TP63: variants seen among roughly 807,000 people sequenced by gnomAD.
TP63 encodes the protein tumor protein 63.
TP63 carries 17 observed loss-of-function variants against 82.8 expected under a neutral mutation model. The observed-to-expected ratio is 0.21, with a 90% CI of 0.14 to 0.31. The LOEUF (loss-of-function observed/expected upper bound fraction) is 0.31, where lower values mean the gene tolerates loss of function less well. Ranked by LOEUF, TP63 falls within the 10% of genes least tolerant of loss-of-function variation. The probability of loss-of-function intolerance (pLI) is 1.00; values close to 1 mark genes in which losing one functional copy is unlikely to be tolerated. For synonymous variants in TP63, 330 were observed against 321.7 expected (o/e 1.03, Z -0.28); for missense variants, 648 against 895.3 (o/e 0.72, Z 3.52).
At chr3:189,617,616 C>T in the TP63 span, among the ~76,000 whole-genome samples, 1 of 152,130 alleles carries the variant, frequency 6.6e-6, no homozygotes, top group Non-Finnish European at 1.5e-5. Context: ...TCTACTTACC[C>T]CGTTCAACAT....
intron 10 of TP63, among the ~76,000 whole-genome samples, chr3:189,885,130 C>T (rs1309746795): frequency 6.6e-6 from 1 of 152,186 alleles, no homozygotes; most frequent in African/African-American, 2.4e-5. Flanking sequence ...TAAACAGGAA[C>T]AACATAATTC....
At chr3:189,682,556 ATATATATAT>A (rs1560107460) in intron 1 of TP63, among the ~76,000 whole-genome samples, 116 of 3,586 alleles carry the variant, frequency 0.032, 1 homozygote, top group African/African-American at 0.053. Flanking sequence ...AAAAAAAAAT[ATATATATAT>A]ATATATATAT....
intron 3 of TP63, among the ~76,000 whole-genome samples, chr3:189,746,555 A>G (rs551481331): frequency 3.4e-4 from 51 of 152,032 alleles, no homozygotes; most frequent in Non-Finnish European, 5.1e-4. Context: ...AATCACAATT[A>G]TGAAAAAAAT....
rs558992171 is a variant in TP63 at position 189,858,360 on chromosome 3, T to C, written c.580-5872T>C. Among the ~76,000 whole-genome samples the C allele has an allele frequency of 1.2e-3, 15 of 12,364 alleles. 4 individuals carry two copies. Among genetic ancestry groups the C allele is most frequent in the South Asian group, 0.011 (6 of 530 alleles). 8.1% of individuals were successfully genotyped at this position (12,364 alleles called of 152,430 possible). On this transcript the variant is annotated intron_variant, in intron 4 of 13. Coordinates refer to ENST00000264731, the MANE Select transcript of TP63 (RefSeq NM_003722.5). ...GGCGGAGCCTGCAGTGAGCCGAGAT[T>C]GCGCCACTGCACTCCAGCCTGGGCG... is the stretch of plus-strand genomic sequence containing the variant.
chr3:189,859,281 G>T lies in TP63; in HGVS notation c.580-4951G>T, dbSNP rs147326393. 2.0e-4 allele frequency among the ~76,000 whole-genome samples: 31 copies of T among 152,128 alleles called. No individual in the cohort carries two copies. In the East Asian group the frequency reaches 6.0e-3, roughly 29 times the overall value. On this transcript the variant is annotated intron_variant, in intron 4 of 13. Transcript: ENST00000264731. The stretch of plus-strand genomic sequence containing the variant: ...TCAATCATAAAATAAAACCTAAAAA[G>T]TGAAATTTCTGTGTTACAAAGGGGG...
At chr3:189,730,420 T>C (rs1246054761) in intron 1 of TP63, among the ~76,000 whole-genome samples, 2 of 152,216 alleles carry the variant, frequency 1.3e-5, no homozygotes, top group African/African-American at 4.8e-5. Flanking sequence ...TATTTAGTTA[T>C]TTCATAGAAA....
At chr3:189,686,742 T>G (rs1716478374) in intron 1 of TP63, among the ~76,000 whole-genome samples, 1 of 149,492 alleles carries the variant, frequency 6.7e-6, no homozygotes, top group South Asian at 2.1e-4. Flanking sequence ...TTTTTTTTTT[T>G]TTTTTTGAGA....
intron 4 of TP63, among the ~76,000 whole-genome samples, chr3:189,819,728 G>A: frequency 6.8e-6 from 1 of 147,672 alleles, no homozygotes; most frequent in Admixed American, 6.8e-5. Flanking sequence ...GTACTCACTG[G>A]TAATGGATTA....
Position 189,631,545 on chromosome 3 carries a change from C to A in TP63, c.30C>A (p.Thr10=), listed in dbSNP as rs764188703. 1.2e-6 allele frequency: 2 copies of A among 1,612,720 alleles called. No homozygotes were observed. Among genetic ancestry groups the A allele is most frequent in the African/African-American group, 2.7e-5 (2 of 74,794 alleles). Residue 10 remains threonine, a synonymous_variant, in exon 1 of 14, where the codon ACC becomes ACA. Coordinates refer to ENST00000264731, the MANE Select transcript of TP63 (RefSeq NM_003722.5). Reference sequence around the variant, plus strand: ...ATTTTGAAACTTCACGGTGTGCCACCCTACAGTACTGCCCTGACCCTTACA... The same window carrying A: ...ATTTTGAAACTTCACGGTGTGCCACACTACAGTACTGCCCTGACCCTTACA... MNFETSRCA[T]LQYCPDPYIQ...
chr3:189,848,503 G>A (rs1715225702), intron 4 of TP63, among the ~76,000 whole-genome samples: 1 of 151,994 alleles, frequency 6.6e-6, no homozygotes, highest in Non-Finnish European at 1.5e-5. Flanking sequence ...ACAGGCATGA[G>A]CCACTGAACT....
chr3:189,820,485 CT>C (rs1577032496), intron 4 of TP63, among the ~76,000 whole-genome samples: 1 of 152,174 alleles, frequency 6.6e-6, no homozygotes, highest in African/African-American at 2.4e-5. Context: ...TTTATAGACT[CT>C]TTTCTCTCAC....
At chr3:189,766,719 T>C (rs11708278) in intron 3 of TP63, among the ~76,000 whole-genome samples, 27,034 of 152,142 alleles carry the variant, frequency 0.18, 3,097 homozygotes, top group South Asian at 0.26. Flanking sequence ...TTAAAAAAAA[T>C]ACAGTGGTAA....
chr3:189,721,609 G>A (rs1719398271), intron 1 of TP63, among the ~76,000 whole-genome samples: 1 of 152,138 alleles, frequency 6.6e-6, no homozygotes, highest in Non-Finnish European at 1.5e-5. Flanking sequence ...TGGAGGTTCA[G>A]CTAGAACTTT....
At chr3:189,755,023 A>G (rs1158720243) in intron 3 of TP63, among the ~76,000 whole-genome samples, 2 of 152,142 alleles carry the variant, frequency 1.3e-5, no homozygotes, top group Non-Finnish European at 2.9e-5. Context: ...ATTTGTACTC[A>G]GACACACTAG....
chr3:189,869,507 G>A, intron 9 of TP63, 101 bp downstream of exon 9: 2 of 1,091,466 alleles, frequency 1.8e-6, no homozygotes, highest in Non-Finnish European at 2.7e-6. Flanking sequence ...AATGGGAAAG[G>A]AGGTGTCTTA....
chr3:189,788,597 G>A (rs1724810291), intron 3 of TP63, among the ~76,000 whole-genome samples: 1 of 151,816 alleles, frequency 6.6e-6, no homozygotes, highest in Non-Finnish European at 1.5e-5. Context: ...GGGGGTGTAG[G>A]ATGATGTCAA....
rs144290759 is a variant in TP63 at position 189,640,370 on chromosome 3, C to T, written c.62+8793C>T. 1.7e-3 allele frequency among the ~76,000 whole-genome samples: 251 copies of T among 151,984 alleles called. 4 individuals carry two copies. In the East Asian group the frequency reaches 0.032, roughly 20 times the overall value. ...CTGTCTAATATGATAAATCTTTGTA[C>T]CTTCATAAGCTCATTTTTTAGTACC... On this transcript the variant is annotated intron_variant, in intron 1 of 13. Transcript: ENST00000264731.
chr3:189,837,734 A>G (rs1420001158), intron 4 of TP63, among the ~76,000 whole-genome samples: 1 of 152,030 alleles, frequency 6.6e-6, no homozygotes, highest in Non-Finnish European at 1.5e-5. Flanking sequence ...CACTGTGGCC[A>G]CTACCTCTCA....
At chr3:189,710,052 T>G (rs1718484402) in intron 1 of TP63, among the ~76,000 whole-genome samples, 1 of 152,196 alleles carries the variant, frequency 6.6e-6, no homozygotes, top group African/African-American at 2.4e-5. Context: ...AAGTACTTAT[T>G]TGAATTTGTT....
Sources: gnomAD v4.1 joint callset for allele counts (sites outside exome capture counted in the v4.1 genomes callset) on GRCh38, gnomAD v4.1.1 for gene constraint, MANE v1.5 for transcripts, NCBI Gene and HGNC (gene_info 2026-07-23, HGNC 2026-07-21) for gene names.